Variants in USH2A observed in about 807,000 individuals in gnomAD.
USH2A encodes the protein Usher syndrome 2A (autosomal recessive, mild).
USH2A carries 443 observed loss-of-function variants against 538.9 expected under a neutral mutation model. The ratio of observed to expected loss-of-function variants is 0.82; its 90% CI spans 0.76 to 0.89. The LOEUF (loss-of-function observed/expected upper bound fraction) is 0.89. Among genes scored for constraint, USH2A ranks in the 40% least tolerant of loss-of-function variants. USH2A has a pLI of 0.00. For synonymous variants in USH2A, 2,413 were observed against 2,273.5 expected, an observed-to-expected ratio of 1.06 and a Z score of -1.75; for missense variants, 6,633 against 6,324.8, an observed-to-expected ratio of 1.05 and a Z score of -1.65.
In USH2A at chr1:216,400,721, A is replaced by G. The variant is rs552805485; in HGVS notation, c.651+17793T>C. 1.4e-4 allele frequency among the ~76,000 whole-genome samples: 21 copies of G among 152,284 alleles called. 1 individual carries two copies. In the South Asian group the frequency reaches 4.4e-3, roughly 32 times the overall value. On this transcript the variant is annotated intron_variant, in intron 3 of 71. Coordinates refer to ENST00000307340, the MANE Select transcript of USH2A (RefSeq NM_206933.4). ...AATGATGTAAAACTTATAAGTAAATACCAGTTCAAATGACAACAGATTTCT... is the reference window on the plus strand; with the variant it reads ...AATGATGTAAAACTTATAAGTAAATGCCAGTTCAAATGACAACAGATTTCT...
At chr1:215,669,840 C>T (rs553988975) in intron 64 of USH2A, among the ~76,000 whole-genome samples, 3 of 152,226 alleles carry the variant, frequency 2.0e-5, no homozygotes, top group East Asian at 1.9e-4. Context: ...TTAAAATGTT[C>T]CCTGTATTCA....
At chr1:216,293,350 G>A (rs1391652801) in intron 9 of USH2A, among the ~76,000 whole-genome samples, 1 of 152,122 alleles carries the variant, frequency 6.6e-6, no homozygotes, top group Non-Finnish European at 1.5e-5. Flanking sequence ...TTGGTGAATT[G>A]TCACGCTCCT....
intron 32 of USH2A, among the ~76,000 whole-genome samples, chr1:216,016,465 A>C (rs779539136): frequency 8.5e-5 from 13 of 152,190 alleles, no homozygotes; most frequent in Non-Finnish European, 1.3e-4. Context: ...ATTTGTGCTT[A>C]TGTTTTCCAC....
intron 70 of USH2A, among the ~76,000 whole-genome samples, chr1:215,633,885 G>A (rs1053586109): frequency 2.0e-5 from 3 of 152,092 alleles, no homozygotes; most frequent in African/African-American, 7.2e-5. Flanking sequence ...GACCTTTACT[G>A]GACCTCCTAT....
In USH2A at chr1:216,245,647, G is replaced by GT. The variant is rs570947748; in HGVS notation, c.2809+937dup. 4.5e-3 allele frequency among the ~76,000 whole-genome samples: 687 copies of GT among 152,130 alleles called. 5 individuals are homozygous for GT. The highest frequency in any genetic ancestry group is 3.8e-3 in the Non-Finnish European group (255 of 67,998). On this transcript the variant is annotated intron_variant, in intron 13 of 71. Transcript: ENST00000307340. ...ATTTATGTTTAAACCAGTTCAAGTT[G>GT]TTTTTTAATACTTACATCACAAAAA...
chr1:216,142,411 A>G (rs2033619771), intron 21 of USH2A, among the ~76,000 whole-genome samples: 1 of 152,254 alleles, frequency 6.6e-6, no homozygotes, highest in Non-Finnish European at 1.5e-5. Flanking sequence ...CTATGTAAAC[A>G]ATATTTCTCC....
chr1:215,882,206 G>A (rs1438991082), intron 41 of USH2A, among the ~76,000 whole-genome samples: 3 of 152,148 alleles, frequency 2.0e-5, no homozygotes, highest in African/African-American at 7.2e-5. Flanking sequence ...TCCAGGCCTC[G>A]GAACCCTCAT....
chr1:216,350,525 C>T (rs1410040251), intron 4 of USH2A, among the ~76,000 whole-genome samples: 1 of 152,032 alleles, frequency 6.6e-6, no homozygotes, highest in East Asian at 1.9e-4. Flanking sequence ...ATAAATCAGC[C>T]AAACAAAAGA....
At chr1:215,972,161 G>T (rs542423) in intron 35 of USH2A, among the ~76,000 whole-genome samples, 1 of 151,874 alleles carries the variant, frequency 6.6e-6, no homozygotes, top group South Asian at 2.1e-4. Flanking sequence ...GCCTTCTATT[G>T]GGTTTTGCCA....
chr1:216,337,837 T>C (rs547015896), intron 4 of USH2A, among the ~76,000 whole-genome samples: 24 of 151,392 alleles, frequency 1.6e-4, no homozygotes, highest in Non-Finnish European at 3.4e-4. Context: ...AAGAATGATA[T>C]ATAACAATTT....
intron 44 of USH2A, among the ~76,000 whole-genome samples, chr1:215,853,071 T>C (rs6665199): frequency 0.67 from 101,710 of 152,160 alleles, 34,701 homozygotes; most frequent in African/African-American, 0.8. Context: ...TTCCCTTTTG[T>C]GCTGCCCCAA....
intron 32 of USH2A, among the ~76,000 whole-genome samples, chr1:216,036,816 G>A (rs571559661): frequency 3.3e-5 from 5 of 152,036 alleles, no homozygotes; most frequent in Non-Finnish European, 7.4e-5. Flanking sequence ...AGATCAGAGG[G>A]TTCTGAATGT....
rs540365160 is a variant in USH2A at position 215,824,216 on chromosome 1, C to T, written c.9372-7021G>A. The stretch of plus-strand genomic sequence containing the variant: ...TTTTGGAGCATCCTCTCATATATTA[C>T]TCTTCTCTCCATTTCTTATGGATAT... On this transcript the variant is annotated intron_variant, in intron 47 of 71. Transcript: ENST00000307340. Among the ~76,000 whole-genome samples, 6 of 152,268 alleles carry T rather than the reference C, an allele frequency of 3.9e-5. No individual in the cohort carries two copies. In the South Asian group the frequency reaches 1.2e-3, roughly 32 times the overall value.
chr1:216,144,342 T>A (rs2033653553), intron 21 of USH2A, among the ~76,000 whole-genome samples: 2 of 152,102 alleles, frequency 1.3e-5, no homozygotes, highest in South Asian at 4.1e-4. Context: ...CTGCAGGGTT[T>A]TTTGCTTTTT....
At chr1:215,786,615 A>T in intron 52 of USH2A, 55 bp downstream of exon 52, 5 of 1,587,352 alleles carry the variant, frequency 3.1e-6, no homozygotes, top group Non-Finnish European at 4.3e-6. Flanking sequence ...CTGCATTTTC[A>T]GCAGCTTCTC....
intron 70 of USH2A, among the ~76,000 whole-genome samples, chr1:215,629,773 CTTTTTTT>C (rs34349385): frequency 3.2e-5 from 4 of 125,056 alleles, no homozygotes; most frequent in East Asian, 4.5e-4. Flanking sequence ...CTTTTCTTTT[CTTTTTTT>C]TTTTTTTTTT....
At chr1:216,046,206 T>C (rs368704927) in intron 32 of USH2A, among the ~76,000 whole-genome samples, 4 of 152,224 alleles carry the variant, frequency 2.6e-5, no homozygotes, top group African/African-American at 7.2e-5. Context: ...CTAGATTCCT[T>C]AGAATACCTA....
intron 32 of USH2A, among the ~76,000 whole-genome samples, chr1:216,013,320 C>T (rs1249935540): frequency 2.0e-5 from 3 of 150,884 alleles, no homozygotes; most frequent in East Asian, 2.0e-4. Flanking sequence ...TAGGTTCCCA[C>T]GCCGCCCCTA....
chr1:215,648,971 T>C (rs1656954888), intron 65 of USH2A, among the ~76,000 whole-genome samples: 1 of 152,134 alleles, frequency 6.6e-6, no homozygotes, highest in Non-Finnish European at 1.5e-5. Context: ...AATCTGATAA[T>C]GTAACCGTTA....
Sources: allele counts gnomAD v4.1 joint callset (sites outside exome capture counted in the v4.1 genomes callset), GRCh38; gene constraint gnomAD v4.1.1; transcripts MANE v1.5; gene names NCBI Gene and HGNC (gene_info 2026-07-23, HGNC 2026-07-21).